The following PRDM10 variants were observed in gnomAD, a reference collection of about 807,000 sequenced individuals.
The protein encoded by PRDM10 is PR/SET domain 10.
PRDM10 carries 65 observed loss-of-function variants against 133.1 expected under a neutral mutation model. The observed-to-expected ratio is 0.49, with a 90% CI of 0.40 to 0.60. The LOEUF (loss-of-function observed/expected upper bound fraction) is 0.60. PRDM10 is among the 20% of genes least tolerant of loss of function. PRDM10 has a pLI of 0.00. For missense variants in PRDM10, 1,137 were observed against 1,507.1 expected, an observed-to-expected ratio of 0.75 and a Z score of 4.07; for synonymous variants, 582 against 580.4, an observed-to-expected ratio of 1.00 and a Z score of -0.04.
At chr11:129,963,398 A>AGAGAAGAGAAGAGAAGAGAC (rs1397952507) in intron 1 of PRDM10, among the ~76,000 whole-genome samples, 1 of 115,926 alleles carries the variant, frequency 8.6e-6, no homozygotes, top group Non-Finnish European at 1.6e-5. Flanking sequence ...AGAGAAGAGA[A>AGAGAAGAGAAGAGAAGAGAC]GAGAAGAGAA....
chr11:129,954,263 TTTA>T (rs138658706), intron 4 of PRDM10, among the ~76,000 whole-genome samples: 32,400 of 145,142 alleles, frequency 0.22, 5,144 homozygotes, highest in East Asian at 0.58. Flanking sequence ...ATTTAATTTA[TTTA>T]TTTTTTTTTT....
rs1472567815 is a variant in PRDM10, at chr11:129,947,877, T to TG, written c.295-508dup. ...TTCCACATCTGAACTAAACCTGGGG[T>TG]GGGGGTCCCTCTTGCCTTTCCAGAG... On this transcript the variant is annotated intron_variant, in intron 4 of 20. Coordinates refer to ENST00000360871, the MANE Select transcript of PRDM10 (RefSeq NM_199437.2). This position sits in a 1 kb window ranked among gnomAD's most constrained non-coding sequence, Gnocchi z 4.6. The TG allele has an allele frequency of 2.7e-6, 1 of 366,788 alleles. No individual in the cohort carries two copies. Among genetic ancestry groups the TG allele is most frequent in the Non-Finnish European group, 5.4e-6 (1 of 186,466 alleles). The allele number at this position is 366,788 out of a possible 1,614,324, so 22.7% of individuals were successfully genotyped here.
At chr11:129,998,857 T>C (rs530991035) in intron 1 of PRDM10, among the ~76,000 whole-genome samples, 1 of 149,944 alleles carries the variant, frequency 6.7e-6, no homozygotes, top group Non-Finnish European at 1.5e-5. Flanking sequence ...GGTCTCACTC[T>C]GGTTGCCCAG....
At position 129,918,639 on chromosome 11, in the gene PRDM10, C is replaced by A; in HGVS notation, c.2114G>T (p.Arg705Leu). The change falls in exon 14 of 21, where the codon CGC becomes CTC. Residue 705 changes from arginine to leucine, a missense_variant. Around this residue, in one of 6 missense-constraint regions of PRDM10, gnomAD observed 78 missense variants for 96.4 expected, o/e 0.81. Transcript: ENST00000360871. This position sits in a 1 kb window ranked among gnomAD's most constrained non-coding sequence, Gnocchi z 5.3. ...REAKKADRIS[R>L]SKTFKPRITS... ...GATGCGGGGCTTGAACGTCTTGGAG[C>A]GGCTGATGCGGTCGGCTTTCTTGGC... The A allele has an allele frequency of 6.2e-7, 1 of 1,614,178 alleles. No homozygotes were observed. Among genetic ancestry groups the A allele is most frequent in the Non-Finnish European group, 8.5e-7 (1 of 1,180,004 alleles).
In PRDM10 at chr11:129,981,623, C is replaced by T. The variant is rs114163057; in HGVS notation, c.-118-20541G>A. Among the ~76,000 whole-genome samples, 289 of 152,124 alleles carry T rather than the reference C, an allele frequency of 1.9e-3. 1 individual carries two copies. The highest frequency in any genetic ancestry group is 6.1e-3 in the African/African-American group (255 of 41,508). ...AAATACTCCCCTGATGGGCCAGGTGCGGTGCCTCATGACTGCAATCCCAGC... is the reference window on the plus strand; with the variant it reads ...AAATACTCCCCTGATGGGCCAGGTGTGGTGCCTCATGACTGCAATCCCAGC... On this transcript the variant is annotated intron_variant, in intron 1 of 20. Coordinates refer to ENST00000360871, the MANE Select transcript of PRDM10 (RefSeq NM_199437.2).
At chr11:129,983,858 G>C (rs1938255470) in intron 1 of PRDM10, among the ~76,000 whole-genome samples, 2 of 152,116 alleles carry the variant, frequency 1.3e-5, no homozygotes, top group South Asian at 4.1e-4. Flanking sequence ...AGATTCCGAA[G>C]TCCGCCATTA....
Position 129,918,698 on chromosome 11 carries a change from T to C in PRDM10, c.2055A>G (p.Glu685=), listed in dbSNP as rs1361730210. The part of the protein sequence containing the change: ...KQFKRKDKLR[E]HMQRMHNPER... ...CAGGATTATGCATCCTCTGCATGTG[T>C]TCCCGTAGTTTGTCTTTTCGCTATT... The change falls in exon 14 of 21, where the codon GAA becomes GAG. Residue 685 remains glutamate, a synonymous_variant. Transcript: ENST00000360871. This position sits in a 1 kb window ranked among gnomAD's most constrained non-coding sequence, Gnocchi z 5.3. 1 of 1,610,738 alleles carries C rather than the reference T, an allele frequency of 6.2e-7. No individual in the cohort carries two copies. The highest frequency in any genetic ancestry group is 2.2e-5 in the East Asian group (1 of 44,838).
At chr11:129,930,699 C>A (rs1283803400) in intron 11 of PRDM10, among the ~76,000 whole-genome samples, 1 of 152,154 alleles carries the variant, frequency 6.6e-6, no homozygotes, top group African/African-American at 2.4e-5. Context: ...ATTATTATAA[C>A]TAAATGTACT....
intron 15 of PRDM10, among the ~76,000 whole-genome samples, chr11:129,916,246 G>A (rs1950352883): frequency 6.6e-6 from 1 of 152,194 alleles, no homozygotes; most frequent in Non-Finnish European, 1.5e-5. Flanking sequence ...TGAAGACCAG[G>A]AGCCAGAGAA....
At chr11:129,981,988 T>C (rs1938138048) in intron 1 of PRDM10, among the ~76,000 whole-genome samples, 1 of 152,142 alleles carries the variant, frequency 6.6e-6, no homozygotes, top group African/African-American at 2.4e-5. Flanking sequence ...CCAGGTGCAG[T>C]GGCTCACAGC....
intron 1 of PRDM10, among the ~76,000 whole-genome samples, chr11:129,994,326 G>A (rs1471370259): frequency 4.3e-5 from 5 of 117,534 alleles, no homozygotes; most frequent in East Asian, 3.9e-4. Flanking sequence ...TTAGCCAGGC[G>A]TGGTGGTGGG....
chr11:129,904,948 T>G (rs1367583749), intron 20 of PRDM10, among the ~76,000 whole-genome samples: 1 of 152,254 alleles, frequency 6.6e-6, no homozygotes, highest in Admixed American at 6.5e-5. Context: ...GGCAATGTTT[T>G]TCACTTTCGG....
At chr11:129,989,506 C>G (rs1303945231) in intron 1 of PRDM10, among the ~76,000 whole-genome samples, 2 of 152,128 alleles carry the variant, frequency 1.3e-5, no homozygotes, top group Non-Finnish European at 2.9e-5. Flanking sequence ...ATCTCAAGCT[C>G]TTTTATTGAA....
At chr11:129,905,532 G>A (rs546303497) in intron 20 of PRDM10, 106 bp downstream of exon 20, 1 of 871,088 alleles carries the variant, frequency 1.1e-6, no homozygotes, top group East Asian at 2.6e-5. Context: ...ATCATCTACT[G>A]TGAGAAAACA....
chr11:129,909,022 G>A (rs1013670457), intron 19 of PRDM10, among the ~76,000 whole-genome samples: 6 of 151,336 alleles, frequency 4.0e-5, no homozygotes, highest in Non-Finnish European at 5.9e-5. Context: ...GAGCCACCAC[G>A]CCTGGCCCGC....
At chr11:129,977,727 G>A (rs891583756) in intron 1 of PRDM10, among the ~76,000 whole-genome samples, 1 of 152,164 alleles carries the variant, frequency 6.6e-6, no homozygotes, top group East Asian at 1.9e-4. Context: ...GCATGAGGAG[G>A]GTGGATGACT....
At chr11:129,977,289 CACACACACACAT>C (rs1354153623) in intron 1 of PRDM10, among the ~76,000 whole-genome samples, 1 of 151,650 alleles carries the variant, frequency 6.6e-6, no homozygotes, top group Non-Finnish European at 1.5e-5. Context: ...CACACACACA[CACACACACACAT>C]TGAGATGCAG....
intron 4 of PRDM10, among the ~76,000 whole-genome samples, chr11:129,951,014 T>A (rs2323776): frequency 0.28 from 41,845 of 152,098 alleles, 9,611 homozygotes; most frequent in East Asian, 0.62. Context: ...AGAGGCTGGC[T>A]CTAAAAGCGG....
At chr11:129,993,474 A>T (rs1469728822) in intron 1 of PRDM10, among the ~76,000 whole-genome samples, 2 of 151,706 alleles carry the variant, frequency 1.3e-5, no homozygotes, top group Non-Finnish European at 2.9e-5. Context: ...TAGCCTACCC[A>T]GTGCCAATAT....
Sources: allele counts gnomAD v4.1 joint callset (sites outside exome capture counted in the v4.1 genomes callset), GRCh38; gene constraint gnomAD v4.1.1; regional missense constraint gnomAD v4.1.1; non-coding constraint Gnocchi (gnomAD v3.1); transcripts MANE v1.5; gene names NCBI Gene and HGNC (gene_info 2026-07-23, HGNC 2026-07-21).